Variants in ANKS1B observed in about 807,000 individuals in gnomAD.
The protein encoded by ANKS1B is ankyrin repeat and sterile alpha motif domain-containing protein 1B.
In ANKS1B, 36 loss-of-function variants were observed where a neutral mutation model predicts 148.3. The observed-to-expected ratio is 0.24, with a 90% CI of 0.19 to 0.32. The LOEUF is 0.32. ANKS1B is among the 10% of genes least tolerant of loss of function. The probability of loss-of-function intolerance (pLI) is 1.00; values close to 1 mark genes in which losing one functional copy is unlikely to be tolerated. For synonymous variants in ANKS1B, 542 were observed against 560.8 expected (o/e 0.97, Z 0.47); for missense variants, 1,157 against 1,542.6 (o/e 0.75, Z 4.19).
intron 13 of ANKS1B, 79 bp from the exon 14 acceptor site, chr12:99,244,493 G>T: frequency 1.0e-6 from 1 of 958,440 alleles, no homozygotes; most frequent in Non-Finnish European, 1.5e-6. Context: ...TTCAAATGAA[G>T]GGAGCAAATA....
At chr12:98,772,619 A>G (rs990623156) in intron 25 of ANKS1B, among the ~76,000 whole-genome samples, 1 of 152,148 alleles carries the variant, frequency 6.6e-6, no homozygotes, top group Admixed American at 6.5e-5. Context: ...ACTCACTATC[A>G]TGAGAATAGC....
chr12:99,223,787 C>T (rs1388930223), intron 14 of ANKS1B, among the ~76,000 whole-genome samples: 1 of 152,150 alleles, frequency 6.6e-6, no homozygotes, highest in African/African-American at 2.4e-5. Context: ...ACATTATATG[C>T]CCAACCAGCC....
In ANKS1B at chr12:98,757,973, G is replaced by C. The variant is rs183515955; in HGVS notation, c.3580-6451C>G. On this transcript the variant is annotated intron_variant, in intron 25 of 26. Coordinates refer to ENST00000683438, the MANE Select transcript of ANKS1B (RefSeq NM_001352186.2). ...GTGTGTGTGTGCACACGGGGTGCAG[G>C]TGTGAGGGTTGATTACTGAAAACAG... Among the ~76,000 whole-genome samples, 271 of 116,416 alleles carry C rather than the reference G, an allele frequency of 2.3e-3. 1 individual carries two copies. The highest frequency in any genetic ancestry group is 3.5e-3 in the Non-Finnish European group (179 of 51,134). The allele number at this position is 116,416 out of a possible 152,430, so 76.4% of individuals were successfully genotyped here. A position where few individuals can be genotyped will look rare whatever the true frequency, so the allele number is the denominator to read the frequency against.
intron 9 of ANKS1B, among the ~76,000 whole-genome samples, chr12:99,645,338 C>T (rs2098350946): frequency 6.6e-6 from 1 of 152,128 alleles, no homozygotes; most frequent in African/African-American, 2.4e-5. Context: ...TTAAACAATT[C>T]CCAGAGCAGT....
chr12:99,750,812 C>A (rs1369021933), intron 8 of ANKS1B, among the ~76,000 whole-genome samples: 1 of 152,010 alleles, frequency 6.6e-6, no homozygotes, highest in Non-Finnish European at 1.5e-5. Context: ...CTGAACTCCC[C>A]CTTTGAGGAG....
intron 10 of ANKS1B, among the ~76,000 whole-genome samples, chr12:99,448,245 C>T (rs1027985104): frequency 3.9e-5 from 6 of 152,042 alleles, no homozygotes; most frequent in Non-Finnish European, 8.8e-5. Flanking sequence ...GTAATATATA[C>T]ATACAGTGGA....
intron 8 of ANKS1B, among the ~76,000 whole-genome samples, chr12:99,738,025 G>A (rs1370515361): frequency 6.6e-6 from 1 of 152,106 alleles, no homozygotes; most frequent in African/African-American, 2.4e-5. Flanking sequence ...TTAGATGTGT[G>A]CTAGAACACA....
At chr12:99,794,896 T>C (rs1414391317) in intron 4 of ANKS1B, among the ~76,000 whole-genome samples, 1 of 152,026 alleles carries the variant, frequency 6.6e-6, no homozygotes, top group Non-Finnish European at 1.5e-5. Flanking sequence ...TTTTCCATGA[T>C]GTGATTATTG....
intron 12 of ANKS1B, among the ~76,000 whole-genome samples, chr12:99,398,040 G>C (rs1285323294): frequency 6.6e-6 from 1 of 152,092 alleles, no homozygotes; most frequent in Non-Finnish European, 1.5e-5. Flanking sequence ...AGCTAGTCAG[G>C]AACCAGGCTA....
chr12:98,873,758 C>G (rs1486868210), intron 17 of ANKS1B, among the ~76,000 whole-genome samples: 2 of 152,194 alleles, frequency 1.3e-5, no homozygotes, highest in African/African-American at 4.8e-5. Context: ...TGAAAAAAGA[C>G]AGTCGTCGTC....
At chr12:99,365,949 A>G (rs1161713326) in intron 12 of ANKS1B, among the ~76,000 whole-genome samples, 1 of 152,256 alleles carries the variant, frequency 6.6e-6, no homozygotes, top group Non-Finnish European at 1.5e-5. Flanking sequence ...ATGAAAAAAT[A>G]AACAATTTTT....
At chr12:99,244,129 A>G (rs539349560) in intron 14 of ANKS1B, among the ~76,000 whole-genome samples, 1 of 152,240 alleles carries the variant, frequency 6.6e-6, no homozygotes, top group East Asian at 1.9e-4. Context: ...ATAGTAAAAT[A>G]GCACATGGGA....
At chr12:99,177,604 T>C (rs1052140988) in intron 14 of ANKS1B, among the ~76,000 whole-genome samples, 3 of 152,252 alleles carry the variant, frequency 2.0e-5, no homozygotes, top group African/African-American at 4.8e-5. Context: ...TTTACACTTA[T>C]GTATGTCTGC....
chr12:99,922,663 A>G (rs11110129), intron 1 of ANKS1B, among the ~76,000 whole-genome samples: 10,207 of 152,156 alleles, frequency 0.067, 407 homozygotes, highest in Non-Finnish European at 0.081. Context: ...TTATGATGTA[A>G]ACTATGGTTT....
intron 9 of ANKS1B, among the ~76,000 whole-genome samples, chr12:99,538,042 C>A (rs575478338): frequency 6.6e-6 from 1 of 152,088 alleles, no homozygotes; most frequent in East Asian, 1.9e-4. Context: ...GTTCTTGGCA[C>A]TTTTGTCAAA....
At chr12:99,665,947 T>C (rs2098504690) in intron 8 of ANKS1B, among the ~76,000 whole-genome samples, 1 of 152,230 alleles carries the variant, frequency 6.6e-6, no homozygotes, top group Non-Finnish European at 1.5e-5. Flanking sequence ...TTTTTGCTTT[T>C]ACATTTTGAT....
At chr12:99,237,836 C>G (rs1160903313) in intron 14 of ANKS1B, among the ~76,000 whole-genome samples, 1 of 152,198 alleles carries the variant, frequency 6.6e-6, no homozygotes, top group South Asian at 2.1e-4. Context: ...AGGCTGGTCT[C>G]AAACACCTAG....
chr12:99,766,682 G>T (rs990433090), intron 8 of ANKS1B, among the ~76,000 whole-genome samples: 2 of 152,122 alleles, frequency 1.3e-5, no homozygotes, highest in Non-Finnish European at 1.5e-5. Flanking sequence ...ATAAGAAATA[G>T]ATTGTTCAGG....
At chr12:98,749,948 A>G (rs906712451) in intron 26 of ANKS1B, among the ~76,000 whole-genome samples, 3 of 152,140 alleles carry the variant, frequency 2.0e-5, no homozygotes, top group African/African-American at 7.2e-5. Context: ...AGGGGAAGAC[A>G]GGGATCCAGG....
Sources: allele counts gnomAD v4.1 joint callset (sites outside exome capture counted in the v4.1 genomes callset), GRCh38; gene constraint gnomAD v4.1.1; transcripts MANE v1.5; gene names NCBI Gene and HGNC (gene_info 2026-07-23, HGNC 2026-07-21).